The following STAB1 variants were observed in gnomAD, a reference collection of about 807,000 sequenced individuals.
STAB1 encodes the protein stabilin 1.
In STAB1, 250 loss-of-function variants were observed where a neutral mutation model predicts 332.4. The observed-to-expected ratio is 0.75, with a 90% CI of 0.68 to 0.84. The LOEUF is 0.84. Ranked by LOEUF, STAB1 falls within the 40% of genes least tolerant of loss-of-function variation. The pLI is 0.00. For missense variants in STAB1, 3,249 were observed against 3,489.7 expected (o/e 0.93, Z 1.74); for synonymous variants, 1,475 against 1,390.4 (o/e 1.06, Z -1.35).
At chr3:52,516,860 C>G (rs1407222843) in intron 41 of STAB1, 92 bp downstream of exon 41, 39 of 1,597,598 alleles carry the variant, frequency 2.4e-5, no homozygotes, top group South Asian at 4.5e-5. Context: ...CCCAGCCCCC[C>G]TCACTGTCCC....
In STAB1 at chr3:52,517,376, C is replaced by G. The variant is rs1316885355; in HGVS notation, c.4546C>G (p.Pro1516Ala). ...CTGCCACATTCACGCCGAGTGCATC[C>G]CCACTGGCCCCCAGCAGGTCAGCAT... ...GGCHIHAECI[P>A]TGPQQVSCSC... Residue 1516 changes from proline to alanine, a missense_variant, in exon 43 of 69, where the codon CCC becomes GCC. Coordinates refer to ENST00000321725, the MANE Select transcript of STAB1 (RefSeq NM_015136.3). 1 of 1,604,200 alleles carries G rather than the reference C, an allele frequency of 6.2e-7. No homozygotes were observed. The highest frequency in any genetic ancestry group is 1.1e-5 in the South Asian group (1 of 89,692).
chr3:52,521,855 G>GT lies in STAB1; in HGVS notation c.6176dup (p.Cys2060ValfsTer18). Reference sequence around the variant, plus strand: ...GCCCTGGGGGACAGAGCTGCAGCCTGTGTGTACCCCACCCTGTGCACCCGA... The same window carrying GT: ...GCCCTGGGGGACAGAGCTGCAGCCTGTTGTGTACCCCACCCTGTGCACCCGA... On this transcript the variant is annotated frameshift_variant, in exon 58 of 69. Coordinates refer to ENST00000321725, the MANE Select transcript of STAB1 (RefSeq NM_015136.3). LOFTEE classifies it high-confidence loss of function. The GT allele has an allele frequency of 6.3e-7, 1 of 1,599,670 alleles. No homozygotes were observed. The highest frequency in any genetic ancestry group is 1.7e-5 in the Admixed American group (1 of 59,412).
chr3:52,520,490 C>T lies in STAB1; in HGVS notation c.5590C>T (p.Leu1864=), dbSNP rs773288245. 1 of 1,612,612 alleles carries T rather than the reference C, an allele frequency of 6.2e-7. No individual in the cohort carries two copies. The highest frequency in any genetic ancestry group is 1.7e-5 in the Admixed American group (1 of 60,014). Residue 1864 remains leucine, a synonymous_variant, in exon 53 of 69, where the codon CTG becomes TTG. Coordinates refer to ENST00000321725, the MANE Select transcript of STAB1 (RefSeq NM_015136.3). The part of the protein sequence containing the change: ...GGLAYGIDQL[L]EPPGLGARCD... Reference sequence around the variant, plus strand: ...CCTGGCCTATGGCATCGACCAGCTGCTGGAGCCACCTGGCCTTGGTGCTCG... The same window carrying T: ...CCTGGCCTATGGCATCGACCAGCTGTTGGAGCCACCTGGCCTTGGTGCTCG...
chr3:52,521,248 G>A, intron 55 of STAB1, 113 bp from the exon 56 acceptor site: 1 of 1,455,224 alleles, frequency 6.9e-7, no homozygotes, highest in Non-Finnish European at 9.4e-7. Flanking sequence ...AGGGATCTTA[G>A]CAGTGGGCGG....
intron 1 of STAB1, among the ~76,000 whole-genome samples, chr3:52,498,871 G>A (rs1341077523): frequency 3.3e-5 from 5 of 152,226 alleles, no homozygotes; most frequent in Admixed American, 3.3e-4. Flanking sequence ...GATGGGGAAC[G>A]AGACCACAAC....
Position 52,521,871 on chromosome 3 carries a change from G to A in STAB1, c.6191G>A (p.Cys2064Tyr). ...CTGCAGCCTGTGTGTACCCCACCCT[G>A]TGCACCCGAGGCTGTGTGCCGTGCA... ...LELQPVCTPPCAPEAVCRAGN... is the reference protein window; with the variant it reads ...LELQPVCTPPYAPEAVCRAGN... Residue 2064 changes from cysteine to tyrosine, a missense_variant, in exon 58 of 69, where the codon TGT (cysteine) becomes TAT (tyrosine). Physicochemically the swap from Cys to Tyr is radical, Grantham distance 194. Coordinates refer to ENST00000321725, the MANE Select transcript of STAB1 (RefSeq NM_015136.3). 1 of 1,604,440 alleles carries A rather than the reference G, an allele frequency of 6.2e-7. No individual in the cohort carries two copies. Among genetic ancestry groups the A allele is most frequent in the Non-Finnish European group, 8.5e-7 (1 of 1,174,506 alleles).
chr3:52,514,255 C>CA, intron 33 of STAB1, 42 bp downstream of exon 33: 1 of 1,607,958 alleles, frequency 6.2e-7, no homozygotes, highest in South Asian at 1.1e-5. Context: ...AGGGCAAAGG[C>CA]ATAGAGGGCG....
In STAB1 at chr3:52,510,064, C is replaced by A; in HGVS notation, c.2534+8C>A. The A allele has an allele frequency of 6.2e-7, 1 of 1,611,846 alleles. No individual in the cohort carries two copies. Among genetic ancestry groups the A allele is most frequent in the Non-Finnish European group, 8.5e-7 (1 of 1,178,958 alleles). On this transcript the variant is annotated splice_region_variant and intron_variant, in intron 23 of 68. Coordinates refer to ENST00000321725, the MANE Select transcript of STAB1 (RefSeq NM_015136.3). Reference sequence around the variant, plus strand: ...CCAGGAGGGTGTTGCCAGGTGAGGACCCACACCTTCTGTCTGCCCCACCCG... The same window carrying A: ...CCAGGAGGGTGTTGCCAGGTGAGGAACCACACCTTCTGTCTGCCCCACCCG...
rs534597176 is a variant in STAB1, at chr3:52,518,124, G to A, written c.4761+121G>A. 1.1e-5 allele frequency: 16 copies of A among 1,508,922 alleles called. No individual in the cohort carries two copies. The Admixed American group carries it at 2.4e-4, about 22-fold the overall frequency. 93.5% of individuals were successfully genotyped at this position (1,508,922 alleles called of 1,614,324 possible). ...TGGCCCTGACCATGACACTGAGCCT[G>A]ACCCCTGATTGTACCTGGGCCTGAC... On this transcript the variant is annotated intron_variant, in intron 45 of 68. Coordinates refer to ENST00000321725, the MANE Select transcript of STAB1 (RefSeq NM_015136.3).
In STAB1 at chr3:52,514,841, G is replaced by A. The variant is rs1342100533; in HGVS notation, c.3807+12G>A. 6.2e-7 allele frequency: 1 copy of A among 1,612,760 alleles called. No homozygotes were observed. The highest frequency in any genetic ancestry group is 8.5e-7 in the Non-Finnish European group (1 of 1,179,982). Reference sequence around the variant, plus strand: ...CTGAGGCCCTGCGGGTGAGAGGCTGGGGCCACAGGAAGGCCGGCACGGGAG... The same window carrying A: ...CTGAGGCCCTGCGGGTGAGAGGCTGAGGCCACAGGAAGGCCGGCACGGGAG... On this transcript the variant is annotated intron_variant, in intron 35 of 68. Transcript: ENST00000321725.
rs1472528366 is a variant in STAB1 at position 52,521,907 on chromosome 3, G to A, written c.6227G>A (p.Cys2076Tyr). ...GCTGTGTGCCGTGCAGGCAACAGCTGTGAGTGCAGCCTGGGCTATGAAGGG... is the reference window on the plus strand; with the variant it reads ...GCTGTGTGCCGTGCAGGCAACAGCTATGAGTGCAGCCTGGGCTATGAAGGG... ...PEAVCRAGNS[C>Y]ECSLGYEGDG... is the part of the protein sequence containing the mutation. The change falls in exon 58 of 69, where the codon TGT becomes TAT. Residue 2076 changes from cysteine (C) to tyrosine (Y), a missense_variant. Coordinates refer to ENST00000321725, the MANE Select transcript of STAB1 (RefSeq NM_015136.3). The A allele has an allele frequency of 4.3e-6, 7 of 1,609,252 alleles. No homozygotes were observed. The highest frequency in any genetic ancestry group is 2.7e-5 in the African/African-American group (2 of 74,874).
Position 52,523,512 on chromosome 3 carries a change from C to T in STAB1, c.7226C>T (p.Ala2409Val). 6.2e-7 allele frequency: 1 copy of T among 1,612,682 alleles called. No individual in the cohort carries two copies. ...ANASQGKLLP[A>V]HSGLSLIISD... ...GCCAGCCAGGGGAAGTTGCTTCCGG[C>T]CCACTCAGGCCTCAGCCTCATCATC... Residue 2409 changes from alanine to valine, a missense_variant, in exon 65 of 69, where the codon GCC becomes GTC. Physicochemically the swap from Ala to Val is moderately conservative, Grantham distance 64 (BLOSUM62 0). Coordinates refer to ENST00000321725, the MANE Select transcript of STAB1 (RefSeq NM_015136.3).
chr3:52,523,161 G>A (rs1369480909), intron 63 of STAB1, 27 bp downstream of exon 63: 1 of 1,610,226 alleles, frequency 6.2e-7, no homozygotes, highest in Non-Finnish European at 8.5e-7. Context: ...CTTGGGGGCG[G>A]GGGGTGCTGG....
Position 52,505,396 on chromosome 3 carries a change from G to A in STAB1, c.1581+15G>A. On this transcript the variant is annotated intron_variant, in intron 14 of 68. Transcript: ENST00000321725. ...CCATCCTGGAGGTAAGCTCGGGGGA[G>A]GGGTCCTAGCCCATGTGGGCTTCTG... 6.2e-7 allele frequency: 1 copy of A among 1,611,706 alleles called. No individual in the cohort carries two copies. The highest frequency in any genetic ancestry group is 8.5e-7 in the Non-Finnish European group (1 of 1,178,998).
At position 52,517,992 on chromosome 3, in the gene STAB1, C is replaced by T. The variant is rs569615761; in HGVS notation, c.4750C>T (p.Arg1584Ter). 1.5e-5 allele frequency: 24 copies of T among 1,603,978 alleles called. No homozygotes were observed. The highest frequency in any genetic ancestry group is 1.2e-4 in the Admixed American group (7 of 57,210). Residue 1584 changes from arginine to a stop codon, truncating the protein, a stop_gained, in exon 45 of 69, where the codon CGA becomes TGA. Transcript: ENST00000321725. LOFTEE classifies it high-confidence loss of function. The stretch of plus-strand genomic sequence containing the variant: ...GGGGGACGGCCTCACCTGCCGTGCC[C>T]GAGTCGGCCTGGTAATGATGCCCAA... Reference protein sequence around the residue: ...TVGDGLTCRARVGLELLRDKH... With the variant: ...TVGDGLTCRA
intron 17 of STAB1, 63 bp downstream of exon 17, chr3:52,506,313 T>C (rs1708861303): frequency 6.8e-7 from 1 of 1,460,654 alleles, no homozygotes; most frequent in Admixed American, 1.9e-5. Flanking sequence ...CCACTTGGCC[T>C]CTCAGCCTTG....
chr3:52,510,186 C>T lies in STAB1; in HGVS notation c.2579C>T (p.Thr860Ile). 1 of 1,614,038 alleles carries T rather than the reference C, an allele frequency of 6.2e-7. No homozygotes were observed. Among genetic ancestry groups the T allele is most frequent in the Non-Finnish European group, 8.5e-7 (1 of 1,180,032 alleles). ...DGFEGDGFSC[T>I]PSNPCSHPDR... ...TTTGAGGGTGATGGCTTCTCCTGCA[C>T]ACCTAGCAACCCCTGCTCCCACCCG... The change falls in exon 24 of 69, where the codon ACA (threonine) becomes ATA (isoleucine). Residue 860 changes from threonine (T) to isoleucine (I), a missense_variant. By Grantham distance (89) the Thr-to-Ile change is moderately conservative. Transcript: ENST00000321725.
At chr3:52,514,004 GA>G (rs1440448305) in intron 32 of STAB1, 23 bp downstream of exon 32, 5 of 1,593,874 alleles carry the variant, frequency 3.1e-6, no homozygotes, top group Non-Finnish European at 3.4e-6. Context: ...GGCAAGAGGG[GA>G]TGTGCCTGCT....
intron 33 of STAB1, 50 bp from the exon 34 acceptor site, chr3:52,514,315 A>G (rs1559700901): frequency 1.3e-6 from 2 of 1,571,572 alleles, no homozygotes; most frequent in Admixed American, 1.7e-5. Flanking sequence ...CGTGCTGTCC[A>G]GGGCACTTGG....
Sources: allele counts gnomAD v4.1 joint callset (sites outside exome capture counted in the v4.1 genomes callset), GRCh38; gene constraint gnomAD v4.1.1; transcripts MANE v1.5; gene names NCBI Gene and HGNC (gene_info 2026-07-23, HGNC 2026-07-21).